Variants in FBXL7 observed in about 807,000 individuals in gnomAD.
FBXL7 encodes the protein F-box/LRR-repeat protein 7.
Under a neutral mutation model 38.3 loss-of-function variants are expected in FBXL7, and 12 were observed. The ratio of observed to expected loss-of-function variants is 0.31; its 90% CI spans 0.20 to 0.51. The LOEUF (loss-of-function observed/expected upper bound fraction) is 0.51. Ranked by LOEUF, FBXL7 falls within the 20% of genes least tolerant of loss-of-function variation. FBXL7 has a pLI of 0.98. For synonymous variants in FBXL7, 297 were observed against 300.9 expected, an observed-to-expected ratio of 0.99 and a Z score of 0.13; for missense variants, 567 against 676.4, an observed-to-expected ratio of 0.84 and a Z score of 1.79.
At chr5:15,670,743 G>A (rs912811871) in intron 2 of FBXL7, among the ~76,000 whole-genome samples, 1 of 152,070 alleles carries the variant, frequency 6.6e-6, no homozygotes, top group Non-Finnish European at 1.5e-5. Context: ...GGAGGTTGCA[G>A]TGAGCCAAGA....
intron 1 of FBXL7, among the ~76,000 whole-genome samples, chr5:15,563,170 A>T (rs1469994011): frequency 6.6e-6 from 1 of 152,092 alleles, no homozygotes; most frequent in Admixed American, 6.6e-5. Flanking sequence ...ATTTCTTAGA[A>T]AAAGGCAAGT....
At chr5:15,666,604 G>A (rs577551872) in intron 2 of FBXL7, among the ~76,000 whole-genome samples, 55 of 152,108 alleles carry the variant, frequency 3.6e-4, no homozygotes, top group African/African-American at 1.2e-3. Flanking sequence ...TATTCTTCTG[G>A]CATCATTCCC....
chr5:15,561,014 T>TTA (rs1270151176), intron 1 of FBXL7, among the ~76,000 whole-genome samples: 2 of 152,228 alleles, frequency 1.3e-5, no homozygotes, highest in East Asian at 3.8e-4. Context: ...ATCCATCATC[T>TTA]CACATGTTTC....
At chr5:15,840,845 C>CAAAA (rs34448584) in intron 2 of FBXL7, among the ~76,000 whole-genome samples, 1 of 83,332 alleles carries the variant, frequency 1.2e-5, no homozygotes, top group African/African-American at 4.5e-5. Flanking sequence ...GACTCTGTCT[C>CAAAA]AAAAAAAAAA....
intron 2 of FBXL7, among the ~76,000 whole-genome samples, chr5:15,921,734 C>G (rs1173789627): frequency 6.6e-6 from 1 of 152,136 alleles, no homozygotes; most frequent in Non-Finnish European, 1.5e-5. Context: ...CCAACAGGTA[C>G]ATGAAAAGGT....
intron 2 of FBXL7, among the ~76,000 whole-genome samples, chr5:15,773,793 T>A (rs1444523259): frequency 6.6e-6 from 1 of 152,128 alleles, no homozygotes; most frequent in Non-Finnish European, 1.5e-5. Flanking sequence ...GTGGTTGATA[T>A]GGTTCTATGT....
chr5:15,554,616 G>A (rs1013229006), intron 1 of FBXL7, among the ~76,000 whole-genome samples: 2 of 152,206 alleles, frequency 1.3e-5, no homozygotes, highest in African/African-American at 4.8e-5. Flanking sequence ...AGCCTTGCCT[G>A]AGAGTTCTTT....
chr5:15,534,147 T>C (rs1009568844), intron 1 of FBXL7, among the ~76,000 whole-genome samples: 3 of 152,210 alleles, frequency 2.0e-5, no homozygotes, highest in African/African-American at 7.2e-5. Context: ...GGTATGTTTG[T>C]TACAATCAGT....
intron 2 of FBXL7, among the ~76,000 whole-genome samples, chr5:15,761,337 A>T (rs542635346): frequency 2.8e-4 from 43 of 152,272 alleles, no homozygotes; most frequent in Admixed American, 1.8e-3. Flanking sequence ...GGAGATTGCC[A>T]TGAACAGGGA....
intron 2 of FBXL7, among the ~76,000 whole-genome samples, chr5:15,639,148 T>G: frequency 1.3e-5 from 2 of 152,214 alleles, no homozygotes; most frequent in East Asian, 3.9e-4. Context: ...TGATTTATTC[T>G]TAGGTTCCCA....
At chr5:15,860,695 C>A (rs771885677) in intron 2 of FBXL7, among the ~76,000 whole-genome samples, 3 of 152,130 alleles carry the variant, frequency 2.0e-5, no homozygotes, top group Non-Finnish European at 4.4e-5. Context: ...TAGTTGTCAA[C>A]AAATCCAAGG....
At chr5:15,649,890 A>G (rs1293919951) in intron 2 of FBXL7, among the ~76,000 whole-genome samples, 1 of 152,206 alleles carries the variant, frequency 6.6e-6, no homozygotes, top group African/African-American at 2.4e-5. Flanking sequence ...AAAGTGATAA[A>G]TCATCCACTT....
intron 2 of FBXL7, among the ~76,000 whole-genome samples, chr5:15,866,060 A>G (rs1163769866): frequency 1.3e-5 from 2 of 152,230 alleles, no homozygotes; most frequent in Non-Finnish European, 2.9e-5. Flanking sequence ...AAGGCCCACC[A>G]TAGCCAAATA....
intron 1 of FBXL7, among the ~76,000 whole-genome samples, chr5:15,597,957 A>G (rs1286789527): frequency 1.3e-5 from 2 of 152,178 alleles, no homozygotes; most frequent in Non-Finnish European, 2.9e-5. Flanking sequence ...GGCAAGATTT[A>G]TTTTGCTTAA....
intron 2 of FBXL7, among the ~76,000 whole-genome samples, chr5:15,753,942 T>TG (rs1362045021): frequency 3.9e-5 from 6 of 152,224 alleles, no homozygotes; most frequent in African/African-American, 1.4e-4. Context: ...CAACTGGGCG[T>TG]GGGGCCATAG....
At chr5:15,915,154 G>T (rs1299191334) in intron 2 of FBXL7, among the ~76,000 whole-genome samples, 1 of 152,160 alleles carries the variant, frequency 6.6e-6, no homozygotes, top group Non-Finnish European at 1.5e-5. Context: ...CTAAAAAATG[G>T]ATTTTGTTCC....
chr5:15,919,828 C>G (rs1364091467), intron 2 of FBXL7, among the ~76,000 whole-genome samples: 1 of 152,132 alleles, frequency 6.6e-6, no homozygotes, highest in Non-Finnish European at 1.5e-5. Flanking sequence ...CTGGGTTTTG[C>G]ATGATTTGGA....
At chr5:15,705,331 TTAAAG>T (rs1327053241) in intron 2 of FBXL7, among the ~76,000 whole-genome samples, 1 of 152,172 alleles carries the variant, frequency 6.6e-6, no homozygotes, top group Non-Finnish European at 1.5e-5. Flanking sequence ...GCTAAATAGA[TTAAAG>T]TAATGAATGT....
At chr5:15,688,017 C>A (rs944802514) in intron 2 of FBXL7, among the ~76,000 whole-genome samples, 1 of 152,170 alleles carries the variant, frequency 6.6e-6, no homozygotes, top group Non-Finnish European at 1.5e-5. Flanking sequence ...ACCTTCAGAG[C>A]AAAGCATGCA....
Sources: allele counts gnomAD v4.1 joint callset (sites outside exome capture counted in the v4.1 genomes callset), GRCh38; gene constraint gnomAD v4.1.1; transcripts MANE v1.5; gene names NCBI Gene and HGNC (gene_info 2026-07-23, HGNC 2026-07-21).